The following GNA13 variants were observed in gnomAD, a reference collection of about 807,000 sequenced individuals.
GNA13 encodes the protein guanine nucleotide-binding protein subunit alpha-13.
GNA13 carries 4 observed loss-of-function variants against 33.5 expected under a neutral mutation model. The ratio of observed to expected loss-of-function variants is 0.12; its 90% CI spans 0.06 to 0.27. The LOEUF is 0.27. Among genes scored for constraint, GNA13 ranks in the 10% least tolerant of loss-of-function variants. The probability of loss-of-function intolerance (pLI) is 1.00; values close to 1 mark genes in which losing one functional copy is unlikely to be tolerated. For missense variants in GNA13, 319 were observed against 487.2 expected, an observed-to-expected ratio of 0.65 and a Z score of 3.25; for synonymous variants, 176 against 183.8, an observed-to-expected ratio of 0.96 and a Z score of 0.34.
In GNA13 at chr17:65,040,099, A is replaced by C. The variant is rs1308650127; in HGVS notation, c.510+13403T>G. 2.6e-5 allele frequency among the ~76,000 whole-genome samples: 4 copies of C among 152,360 alleles called. No individual in the cohort carries two copies. In the East Asian group the frequency reaches 7.7e-4, roughly 29 times the overall value. ...TTTTAATAAAATACTTTTTCAAAAA[A>C]AAAAGACACAGTAAGGCCAACTGTG... is the stretch of plus-strand genomic sequence containing the variant. On this transcript the variant is annotated intron_variant, in intron 2 of 3. Transcript: ENST00000439174.
At chr17:65,027,822 A>C (rs3972221) in intron 2 of GNA13, among the ~76,000 whole-genome samples, 9,997 of 152,264 alleles carry the variant, frequency 0.066, 1,116 homozygotes, top group African/African-American at 0.23. Context: ...TAAGAAAACA[A>C]GGCTGGGCGT....
chr17:65,021,016 A>G (rs535803799), intron 2 of GNA13, among the ~76,000 whole-genome samples: 37 of 152,288 alleles, frequency 2.4e-4, no homozygotes, highest in African/African-American at 8.9e-4. Context: ...AAAACTTAAG[A>G]TTATTTTATT....
At chr17:65,027,505 TCA>T (rs1046456463) in intron 2 of GNA13, among the ~76,000 whole-genome samples, 3 of 152,272 alleles carry the variant, frequency 2.0e-5, no homozygotes, top group African/African-American at 7.2e-5. Context: ...AGTGGTTTTA[TCA>T]GCACCTCCTA....
At position 65,012,510 on chromosome 17, in the gene GNA13, G is replaced by A. The variant is rs775106394; in HGVS notation, c.*1747C>T. On this transcript the variant is annotated 3_prime_UTR_variant, in exon 4 of 4. Coordinates refer to ENST00000439174, the MANE Select transcript of GNA13 (RefSeq NM_006572.6). ...TACCATGAACTTGCATCACGGTGCC[G>A]GGCTACGTATGTGTAGCTCATGGAT... is the stretch of plus-strand genomic sequence containing the variant. 1.4e-5 allele frequency: 3 copies of A among 218,542 alleles called. No individual in the cohort carries two copies. Among genetic ancestry groups the A allele is most frequent in the Non-Finnish European group, 1.8e-5 (2 of 108,722 alleles). 13.5% of individuals were successfully genotyped at this position (218,542 alleles called of 1,614,324 possible). A position where few individuals can be genotyped will look rare whatever the true frequency, so the allele number is the denominator to read the frequency against.
chr17:65,056,441 G>A lies in GNA13; in HGVS notation c.153C>T (p.Ile51=). The change falls in exon 1 of 4, where the codon ATC becomes ATT. Residue 51 remains isoleucine, a synonymous_variant. Transcript: ENST00000439174. ...EKTYVKRLVK[I]LLLGAGESGK... is the part of the protein sequence containing the mutation. ...CGCTCTCGCCCGCGCCCAGCAGCAG[G>A]ATCTTCACCAGCCGCTTCACATAGG... is the stretch of plus-strand genomic sequence containing the variant. The A allele has an allele frequency of 6.2e-7, 1 of 1,613,722 alleles. No homozygotes were observed. Among genetic ancestry groups the A allele is most frequent in the South Asian group, 1.1e-5 (1 of 91,070 alleles).
intron 2 of GNA13, among the ~76,000 whole-genome samples, chr17:65,044,184 T>C (rs570959749): frequency 3.9e-5 from 6 of 152,300 alleles, no homozygotes; most frequent in African/African-American, 1.4e-4. Flanking sequence ...AGAGTGATTA[T>C]ATTTGGAAGA....
intron 3 of GNA13, among the ~76,000 whole-genome samples, chr17:65,015,497 C>T (rs535991951): frequency 4.0e-5 from 6 of 151,740 alleles, no homozygotes; most frequent in African/African-American, 7.3e-5. Flanking sequence ...CCCATCTCTA[C>T]TAAAAATACA....
At position 65,042,388 on chromosome 17, in the gene GNA13, A is replaced by C. The variant is rs540026450; in HGVS notation, c.510+11114T>G. On this transcript the variant is annotated intron_variant, in intron 2 of 3. Coordinates refer to ENST00000439174, the MANE Select transcript of GNA13 (RefSeq NM_006572.6). ...AAAAAAAAAAAAGAAGAACCACATC[A>C]TAAGTTTTTGATCTAAAAATCAAGC... is the stretch of plus-strand genomic sequence containing the variant. 2.0e-5 allele frequency among the ~76,000 whole-genome samples: 3 copies of C among 150,394 alleles called. No individual in the cohort carries two copies. The East Asian group carries it at 5.9e-4, about 30-fold the overall frequency.
Position 65,014,707 on chromosome 17 carries a change from T to C in GNA13, c.684A>G (p.Ser228=), listed in dbSNP as rs1906302379. 1.2e-6 allele frequency: 2 copies of C among 1,614,140 alleles called. No homozygotes were observed. The highest frequency in any genetic ancestry group is 4.5e-5 in the East Asian group (2 of 44,886). Residue 228 remains serine (S), a synonymous_variant, in exon 4 of 4, where the codon TCA becomes TCG. Coordinates refer to ENST00000439174, the MANE Select transcript of GNA13 (RefSeq NM_006572.6). This position sits in a 1 kb window ranked among gnomAD's most constrained non-coding sequence, Gnocchi z 5.3. ...FKMVDVGGQR[S]ERKRWFECFD... is the part of the protein sequence containing the mutation. ...AACATTCAAACCAACGTTTCCTTTC[T>C]GATCTCTGACCACCTACATCAACCA...
intron 2 of GNA13, among the ~76,000 whole-genome samples, chr17:65,050,048 C>T (rs1295677897): frequency 2.0e-5 from 3 of 152,126 alleles, no homozygotes; most frequent in African/African-American, 7.2e-5. Context: ...TTGCTGGAAT[C>T]ACAGGTAAGC....
chr17:65,030,342 G>A (rs187070248), intron 2 of GNA13, among the ~76,000 whole-genome samples: 2 of 152,354 alleles, frequency 1.3e-5, no homozygotes, highest in Non-Finnish European at 1.5e-5. Flanking sequence ...ATCTCCAGAT[G>A]CTGGTGAAGA....
At chr17:65,031,866 TAG>T (rs138789425) in intron 2 of GNA13, among the ~76,000 whole-genome samples, 4,163 of 106,006 alleles carry the variant, frequency 0.039, 190 homozygotes, top group African/African-American at 0.13. Context: ...CCGGACAACA[TAG>T]AGAGAGAGAG....
chr17:65,017,732 C>T (rs911373146), intron 3 of GNA13, among the ~76,000 whole-genome samples: 1 of 152,020 alleles, frequency 6.6e-6, no homozygotes, highest in Non-Finnish European at 1.5e-5. Context: ...CTCCGTGACT[C>T]GACACAAAGG....
At chr17:65,046,857 T>C (rs542268594) in intron 2 of GNA13, among the ~76,000 whole-genome samples, 1 of 152,160 alleles carries the variant, frequency 6.6e-6, no homozygotes, top group Non-Finnish European at 1.5e-5. Context: ...TGTTTAGCAA[T>C]AAAAGGTAAT....
chr17:65,054,419 A>G (rs1230475722), intron 1 of GNA13, among the ~76,000 whole-genome samples: 1 of 152,216 alleles, frequency 6.6e-6, no homozygotes, highest in African/African-American at 2.4e-5. Flanking sequence ...GATCAATCTG[A>G]ACAGTCACTT....
In GNA13 at chr17:65,018,943, T is replaced by G. The variant is rs150629802; in HGVS notation, c.511-640A>C. 1.6e-3 allele frequency among the ~76,000 whole-genome samples: 251 copies of G among 152,300 alleles called. 1 individual carries two copies. Among genetic ancestry groups the G allele is most frequent in the African/African-American group, 5.7e-3 (238 of 41,544 alleles). On this transcript the variant is annotated intron_variant, in intron 2 of 3. Transcript: ENST00000439174. ...ACTGTACGAGAATACATTCCTAACA[T>G]GAAAACGCTTGACCAGAGCACACAG...
In GNA13 at chr17:65,014,325, G is replaced by T; in HGVS notation, c.1066C>A (p.Arg356Ser). 1.2e-6 allele frequency: 2 copies of T among 1,613,354 alleles called. No individual in the cohort carries two copies. Among genetic ancestry groups the T allele is most frequent in the Non-Finnish European group, 1.7e-6 (2 of 1,179,316 alleles). ...FTTAINTENI[R>S]LVFRDVKDTI... ...TCCTTCACGTCACGGAAAACAAGGC[G>T]GATGTTCTCCGTGTTGATAGCAGTG... The change falls in exon 4 of 4, where the codon CGC becomes AGC. Residue 356 changes from arginine (R) to serine (S), a missense_variant. By Grantham distance (110) the Arg-to-Ser change is moderately radical (BLOSUM62 -1). Transcript: ENST00000439174. This position sits in a 1 kb window ranked among gnomAD's most constrained non-coding sequence, Gnocchi z 5.3.
intron 2 of GNA13, among the ~76,000 whole-genome samples, chr17:65,041,846 C>T (rs1158702749): frequency 1.3e-5 from 2 of 152,176 alleles, no homozygotes; most frequent in African/African-American, 4.8e-5. Flanking sequence ...ATTCTCCAAA[C>T]AATCAAATAA....
At chr17:65,053,224 T>G in intron 2 of GNA13, 1 of 386,300 alleles carries the variant, frequency 2.6e-6, no homozygotes, top group Non-Finnish European at 4.7e-6. Context: ...ATATGAGATA[T>G]GCTGGGAATG....
Sources: gnomAD v4.1 joint callset for allele counts (sites outside exome capture counted in the v4.1 genomes callset) on GRCh38, gnomAD v4.1.1 for gene constraint, Gnocchi (gnomAD v3.1) non-coding constraint, MANE v1.5 for transcripts, NCBI Gene and HGNC (gene_info 2026-07-23, HGNC 2026-07-21) for gene names.